Variants in RAMP1 observed in about 807,000 individuals in gnomAD.
RAMP1 encodes the protein receptor activity modifying protein 1, also known as receptor activity-modifying protein 1.
In RAMP1, 7 loss-of-function variants were observed where a neutral mutation model predicts 8.2. The ratio of observed to expected loss-of-function variants is 0.85; its 90% CI spans 0.49 to 1.60. The LOEUF is 1.60. Among genes scored for constraint, RAMP1 ranks in the 40% most tolerant of loss-of-function variants. The probability of loss-of-function intolerance (pLI) is 0.00; values close to 1 mark genes in which losing one functional copy is unlikely to be tolerated. For missense variants in RAMP1, 192 were observed against 202.4 expected (o/e 0.95, Z 0.31); for synonymous variants, 92 against 84.7 (o/e 1.09, Z -0.47).
In RAMP1 at chr2:237,886,991, G is replaced by A. The variant is rs563335473; in HGVS notation, c.191+9629G>A. Among the ~76,000 whole-genome samples the A allele has an allele frequency of 1.8e-4, 27 of 152,286 alleles. No individual in the cohort carries two copies. The South Asian group carries it at 3.3e-3, about 19-fold the overall frequency. ...AGAAAGCCCTAGAACCATCCAGGCT[G>A]TGCAGACGGGACTTGGCTGTCCTGG... On this transcript the variant is annotated intron_variant, in intron 2 of 2. Transcript: ENST00000254661.
intron 2 of RAMP1, among the ~76,000 whole-genome samples, chr2:237,901,480 C>T (rs192009802): frequency 1.1e-4 from 16 of 152,274 alleles, no homozygotes; most frequent in South Asian, 6.2e-4. Flanking sequence ...AAGCGAAGGG[C>T]GAGCATAGGG....
Position 237,877,973 on chromosome 2 carries a change from C to CG in RAMP1, c.191+617dup, listed in dbSNP as rs1015756025. 1.2e-4 allele frequency: 122 copies of CG among 985,406 alleles called. 1 individual carries two copies. The African/African-American group carries it at 2.1e-3, about 17-fold the overall frequency. 61.0% of individuals were successfully genotyped at this position (985,406 alleles called of 1,614,324 possible). ...GGGTGCTGGGCCCCCATCAGCAGGC[C>CG]GGGGGGTTCTCCCCAGCAGGCCCAG... is the stretch of plus-strand genomic sequence containing the variant. On this transcript the variant is annotated intron_variant, in intron 2 of 2. Transcript: ENST00000254661. The surrounding 1 kb of genome is among the most constrained non-coding windows in gnomAD (Gnocchi z 4.4).
chr2:237,859,882 G>C, intron 1 of RAMP1, 155 bp downstream of exon 1: 1 of 709,220 alleles, frequency 1.4e-6, no homozygotes, highest in South Asian at 2.7e-5. Context: ...GGGCCGCCCC[G>C]GTTCCAGGCG....
chr2:237,867,669 C>A (rs1192571228), intron 1 of RAMP1, among the ~76,000 whole-genome samples: 2 of 152,168 alleles, frequency 1.3e-5, no homozygotes, highest in Non-Finnish European at 2.9e-5. Flanking sequence ...TCAGAGGCTG[C>A]GAACCTACCG....
At chr2:237,910,737 C>A (rs542884254) in intron 2 of RAMP1, among the ~76,000 whole-genome samples, 3 of 151,376 alleles carry the variant, frequency 2.0e-5, no homozygotes, top group African/African-American at 7.3e-5. Context: ...AACAGTAACA[C>A]ACAGTCACAC....
rs147322301 is a variant in RAMP1 at position 237,878,998 on chromosome 2, C to G, written c.191+1636C>G. ...GTGCCCTCAGCAGGGTCTCCTCACTCTACTGTACTGAAGGTCTCTCCAAGA... is the reference window on the plus strand; with the variant it reads ...GTGCCCTCAGCAGGGTCTCCTCACTGTACTGTACTGAAGGTCTCTCCAAGA... On this transcript the variant is annotated intron_variant, in intron 2 of 2. Coordinates refer to ENST00000254661, the MANE Select transcript of RAMP1 (RefSeq NM_005855.4). The surrounding 1 kb of genome is among the most constrained non-coding windows in gnomAD (Gnocchi z 5.7). 1.3e-5 allele frequency among the ~76,000 whole-genome samples: 2 copies of G among 152,326 alleles called. No homozygotes were observed. The highest frequency in any genetic ancestry group is 2.9e-5 in the Non-Finnish European group (2 of 68,032).
In RAMP1 at chr2:237,877,903, T is replaced by C. The variant is rs1324805748; in HGVS notation, c.191+541T>C. The C allele has an allele frequency of 4.9e-5, 47 of 965,972 alleles. No homozygotes were observed. The highest frequency in any genetic ancestry group is 5.3e-5 in the Non-Finnish European group (43 of 812,392). 59.8% of individuals were successfully genotyped at this position (965,972 alleles called of 1,614,324 possible). ...GCCCGATCCTCCTGCCCAAGGGCCCTTCTTCCCGCTTGAGGGGCTCCCTCA... is the reference window on the plus strand; with the variant it reads ...GCCCGATCCTCCTGCCCAAGGGCCCCTCTTCCCGCTTGAGGGGCTCCCTCA... On this transcript the variant is annotated intron_variant, in intron 2 of 2. Transcript: ENST00000254661. The surrounding 1 kb of genome is among the most constrained non-coding windows in gnomAD (Gnocchi z 4.4).
chr2:237,866,165 C>T (rs1227541203), intron 1 of RAMP1, among the ~76,000 whole-genome samples: 2 of 152,054 alleles, frequency 1.3e-5, no homozygotes, highest in African/African-American at 4.8e-5. Context: ...TGCATCCAGG[C>T]CCTTCCACAG....
At position 237,908,039 on chromosome 2, in the gene RAMP1, A is replaced by G. The variant is rs148810239; in HGVS notation, c.192-3489A>G. Among the ~76,000 whole-genome samples the G allele has an allele frequency of 3.1e-4, 47 of 152,302 alleles. No individual in the cohort carries two copies. The East Asian group carries it at 8.1e-3, about 26-fold the overall frequency. On this transcript the variant is annotated intron_variant, in intron 2 of 2. Transcript: ENST00000254661. ...TTTGTCATTGTTATGGTTATCTTCA[A>G]TGTACCATAGGCCTCAAGTACCTCT...
At chr2:237,897,432 T>C (rs567077245) in intron 2 of RAMP1, among the ~76,000 whole-genome samples, 2 of 152,340 alleles carry the variant, frequency 1.3e-5, no homozygotes, top group South Asian at 4.1e-4. Flanking sequence ...TGTGGCCTCC[T>C]CCACAGCAGC....
At chr2:237,910,712 TCACA>T (rs572110530) in intron 2 of RAMP1, among the ~76,000 whole-genome samples, 93 of 147,632 alleles carry the variant, frequency 6.3e-4, no homozygotes, top group South Asian at 1.5e-3. Context: ...AGTCACATAG[TCACA>T]CACAGAGAAT....
rs1339878589 is a variant in RAMP1, at chr2:237,865,095, A to G, written c.52+5368A>G. On this transcript the variant is annotated intron_variant, in intron 1 of 2. Coordinates refer to ENST00000254661, the MANE Select transcript of RAMP1 (RefSeq NM_005855.4). This position sits in a 1 kb window ranked among gnomAD's most constrained non-coding sequence, Gnocchi z 4.2. Reference sequence around the variant, plus strand: ...CTCAGCTGTGGCCCCCAGCATGGGCAGGAGGCCAGGCAAGGATAGGAGTGG... The same window carrying G: ...CTCAGCTGTGGCCCCCAGCATGGGCGGGAGGCCAGGCAAGGATAGGAGTGG... 1.3e-5 allele frequency among the ~76,000 whole-genome samples: 2 copies of G among 152,104 alleles called. No individual in the cohort carries two copies. Among genetic ancestry groups the G allele is most frequent in the Non-Finnish European group, 2.9e-5 (2 of 68,008 alleles).
chr2:237,910,858 G>C (rs2062705186), intron 2 of RAMP1, among the ~76,000 whole-genome samples: 1 of 148,464 alleles, frequency 6.7e-6, no homozygotes, highest in Non-Finnish European at 1.5e-5. Context: ...CACAGTTACA[G>C]CCACACACAG....
chr2:237,907,891 A>G (rs2062668784), intron 2 of RAMP1, among the ~76,000 whole-genome samples: 1 of 152,364 alleles, frequency 6.6e-6, no homozygotes, highest in South Asian at 2.1e-4. Context: ...CTGAACATTC[A>G]TGTATAGAAC....
Position 237,877,357 on chromosome 2 carries a change from C to A in RAMP1, c.186C>A (p.Thr62=). 1 of 1,611,996 alleles carries A rather than the reference C, an allele frequency of 6.2e-7. No homozygotes were observed. The part of the protein sequence containing the change: ...GETLWCDWGR[T]IRSYRELADC... Reference sequence around the variant, plus strand: ...CGCTGTGGTGTGACTGGGGCAGGACCATCAGGTGAGTCCCATGGCCCCTGG... The same window carrying A: ...CGCTGTGGTGTGACTGGGGCAGGACAATCAGGTGAGTCCCATGGCCCCTGG... Residue 62 remains threonine, a synonymous_variant, in exon 2 of 3, where the codon ACC becomes ACA. Coordinates refer to ENST00000254661, the MANE Select transcript of RAMP1 (RefSeq NM_005855.4). This position sits in a 1 kb window ranked among gnomAD's most constrained non-coding sequence, Gnocchi z 4.4.
intron 2 of RAMP1, among the ~76,000 whole-genome samples, chr2:237,879,252 T>C (rs1025873259): frequency 3.9e-5 from 6 of 151,978 alleles, no homozygotes; most frequent in African/African-American, 1.4e-4. Flanking sequence ...TTTGTGTAGA[T>C]TGATTGTGAA....
At chr2:237,869,774 C>A (rs574729949) in intron 1 of RAMP1, 28 of 152,270 alleles carry the variant, frequency 1.8e-4, no homozygotes, top group African/African-American at 5.8e-4. Context: ...TGGGCATATA[C>A]CCAGGGCATA....
intron 1 of RAMP1, among the ~76,000 whole-genome samples, chr2:237,875,700 G>A (rs1251123723): frequency 1.3e-5 from 2 of 152,272 alleles, no homozygotes; most frequent in East Asian, 3.9e-4. Context: ...CCCGTGCAGG[G>A]CTCAGCCTCT....
intron 1 of RAMP1, among the ~76,000 whole-genome samples, chr2:237,874,277 C>T (rs1201922419): frequency 6.6e-6 from 1 of 152,242 alleles, no homozygotes; most frequent in Non-Finnish European, 1.5e-5. Context: ...CAGGGAGGGC[C>T]ACCCTGTGGC....
Sources: gnomAD v4.1 joint callset for allele counts (sites outside exome capture counted in the v4.1 genomes callset) on GRCh38, gnomAD v4.1.1 for gene constraint, Gnocchi (gnomAD v3.1) non-coding constraint, MANE v1.5 for transcripts, NCBI Gene and HGNC (gene_info 2026-07-23, HGNC 2026-07-21) for gene names.